MCF2L2: variants seen among roughly 807,000 people sequenced by gnomAD.
MCF2L2 encodes the protein probable guanine nucleotide exchange factor MCF2L2.
A neutral mutation model predicts 150.2 loss-of-function variants in MCF2L2; 102 were observed. The ratio of observed to expected loss-of-function variants is 0.68; its 90% CI spans 0.58 to 0.80. The LOEUF (loss-of-function observed/expected upper bound fraction) is 0.80, where lower values mean the gene tolerates loss of function less well. Among genes scored for constraint, MCF2L2 ranks in the 30% least tolerant of loss-of-function variants. The pLI, the probability that MCF2L2 is intolerant of heterozygous loss-of-function variation, is 0.00. For synonymous variants in MCF2L2, 465 were observed against 491.3 expected, an observed-to-expected ratio of 0.95 and a Z score of 0.71; for missense variants, 1,256 against 1,372.8, an observed-to-expected ratio of 0.91 and a Z score of 1.34.
chr3:183,274,643 GAATT>G (rs901258945), intron 15 of MCF2L2, among the ~76,000 whole-genome samples: 7 of 152,206 alleles, frequency 4.6e-5, no homozygotes, highest in African/African-American at 1.7e-4. Flanking sequence ...TGACTTGGAA[GAATT>G]AATTAATGAC....
intron 15 of MCF2L2, among the ~76,000 whole-genome samples, chr3:183,263,908 T>A (rs1725851979): frequency 6.6e-6 from 1 of 152,178 alleles, no homozygotes; most frequent in African/African-American, 2.4e-5. Flanking sequence ...GCCTTCTTTA[T>A]GCCTTCCTTC....
chr3:183,295,187 A>C, intron 13 of MCF2L2, 113 bp downstream of exon 13: 2 of 1,120,868 alleles, frequency 1.8e-6, no homozygotes, highest in South Asian at 3.2e-5. Flanking sequence ...AGTTTGTTTT[A>C]AATAGTATCT....
chr3:183,180,063 G>A lies in MCF2L2; in HGVS notation c.3105+8C>T. 1.2e-6 allele frequency: 2 copies of A among 1,607,830 alleles called. No homozygotes were observed. Among genetic ancestry groups the A allele is most frequent in the Non-Finnish European group, 1.7e-6 (2 of 1,174,318 alleles). Reference sequence around the variant, plus strand: ...AGAAGATGAAAGAAACAAAAGGGAAGTAATTACACTCAGAGCACTGCTCTC... The same window carrying A: ...AGAAGATGAAAGAAACAAAAGGGAAATAATTACACTCAGAGCACTGCTCTC... On this transcript the variant is annotated splice_region_variant and intron_variant, in intron 28 of 29. Coordinates refer to ENST00000328913, the MANE Select transcript of MCF2L2 (RefSeq NM_015078.4).
At chr3:183,384,385 A>G in intron 2 of MCF2L2, among the ~76,000 whole-genome samples, 1 of 152,232 alleles carries the variant, frequency 6.6e-6, no homozygotes, top group East Asian at 1.9e-4. Flanking sequence ...ATTAGAAATG[A>G]TGGTTTAGGA....
At chr3:183,413,256 T>C (rs79492291) in intron 1 of MCF2L2, among the ~76,000 whole-genome samples, 3,399 of 152,346 alleles carry the variant, frequency 0.022, 125 homozygotes, top group African/African-American at 0.078. Flanking sequence ...TAATGCCTAC[T>C]GTTGACTGGA....
At chr3:183,211,785 G>A (rs952605751) in intron 22 of MCF2L2, among the ~76,000 whole-genome samples, 2 of 152,102 alleles carry the variant, frequency 1.3e-5, no homozygotes, top group African/African-American at 4.8e-5. Flanking sequence ...GTGGTGCTTG[G>A]GAGTAGGGGA....
chr3:183,363,778 A>G lies in MCF2L2; in HGVS notation c.275+15519T>C, dbSNP rs150654273. Among the ~76,000 whole-genome samples the G allele has an allele frequency of 5.3e-5, 8 of 152,174 alleles. No individual in the cohort carries two copies. The East Asian group carries it at 1.6e-3, about 30-fold the overall frequency. On this transcript the variant is annotated intron_variant, in intron 3 of 29. Transcript: ENST00000328913. ...GAGATTTTAATATACTACTTTAAGT[A>G]CAAGACAGAGCAAAGAGACAATATA...
intron 2 of MCF2L2, among the ~76,000 whole-genome samples, chr3:183,387,385 G>A (rs747473172): frequency 7.2e-5 from 11 of 152,048 alleles, no homozygotes; most frequent in Non-Finnish European, 1.2e-4. Flanking sequence ...TGTCTTCTGC[G>A]CCCAGTGTGT....
At chr3:183,240,177 C>G (rs545955448) in intron 15 of MCF2L2, among the ~76,000 whole-genome samples, 1 of 152,304 alleles carries the variant, frequency 6.6e-6, no homozygotes, top group Admixed American at 6.5e-5. Flanking sequence ...AGAATCTCAT[C>G]CTTCTGAGAT....
chr3:183,400,854 T>A (rs1450314522), intron 1 of MCF2L2, among the ~76,000 whole-genome samples: 3 of 149,438 alleles, frequency 2.0e-5, no homozygotes, highest in Non-Finnish European at 4.5e-5. Flanking sequence ...AAGGATGATT[T>A]AAAAAAAAAA....
Position 183,289,197 on chromosome 3 carries a change from T to G in MCF2L2, c.1699A>C (p.Thr567Pro). 6.2e-7 allele frequency: 1 copy of G among 1,613,616 alleles called. No individual in the cohort carries two copies. Among genetic ancestry groups the G allele is most frequent in the Non-Finnish European group, 8.5e-7 (1 of 1,179,574 alleles). ...TSVPLARPLR[T>P]SEEPYTETEL... ...GTCTCCGTATAAGGTTCCTCAGACG[T>G]TCTCAGAGGACGAGCTAGAGGGACT... Residue 567 changes from threonine (T) to proline (P), a missense_variant, in exon 14 of 30, where the codon ACG becomes CCG. Thr to Pro is a conservative substitution (Grantham distance 38). Coordinates refer to ENST00000328913, the MANE Select transcript of MCF2L2 (RefSeq NM_015078.4).
At chr3:183,331,103 C>T (rs577027564) in intron 5 of MCF2L2, among the ~76,000 whole-genome samples, 13 of 152,316 alleles carry the variant, frequency 8.5e-5, no homozygotes, top group Admixed American at 7.2e-4. Context: ...AACTCTCACA[C>T]ACCAGGCCAT....
At chr3:183,295,189 A>G (rs1728423481) in intron 13 of MCF2L2, 111 bp downstream of exon 13, 1 of 1,127,174 alleles carries the variant, frequency 8.9e-7, no homozygotes, top group African/African-American at 1.6e-5. Flanking sequence ...TTTGTTTTAA[A>G]TAGTATCTGT....
At chr3:183,188,389 T>A (rs936904683) in intron 27 of MCF2L2, among the ~76,000 whole-genome samples, 1 of 152,176 alleles carries the variant, frequency 6.6e-6, no homozygotes, top group Non-Finnish European at 1.5e-5. Context: ...AGAGTCATGA[T>A]GGGCAAGGTC....
chr3:183,427,864 C>T, intron 1 of MCF2L2, 38 bp downstream of exon 1: 1 of 1,570,990 alleles, frequency 6.4e-7, no homozygotes, highest in Non-Finnish European at 8.8e-7. Flanking sequence ...CCTCACCCGC[C>T]ATTAATAAAA....
intron 10 of MCF2L2, among the ~76,000 whole-genome samples, chr3:183,300,432 T>C (rs1345398280): frequency 6.6e-6 from 1 of 152,244 alleles, no homozygotes; most frequent in East Asian, 1.9e-4. Flanking sequence ...TGTTGAGTTC[T>C]GGGCTAGACA....
chr3:183,189,166 G>A (rs975094260), intron 27 of MCF2L2, among the ~76,000 whole-genome samples: 6 of 152,170 alleles, frequency 3.9e-5, no homozygotes, highest in East Asian at 1.9e-4. Context: ...TGCTGGGGCC[G>A]AGCACTGCTG....
At chr3:183,292,339 G>A (rs993342146) in intron 13 of MCF2L2, among the ~76,000 whole-genome samples, 31 of 152,054 alleles carry the variant, frequency 2.0e-4, no homozygotes, top group African/African-American at 6.8e-4. Context: ...AGGATAGCTT[G>A]AGCCCAGGAG....
chr3:183,410,710 T>G (rs965593186), intron 1 of MCF2L2, among the ~76,000 whole-genome samples: 1 of 152,266 alleles, frequency 6.6e-6, no homozygotes, highest in Non-Finnish European at 1.5e-5. Flanking sequence ...ACATTCTTAA[T>G]GATTCTAAAA....
Sources: allele counts gnomAD v4.1 joint callset (sites outside exome capture counted in the v4.1 genomes callset), GRCh38; gene constraint gnomAD v4.1.1; transcripts MANE v1.5; gene names NCBI Gene and HGNC (gene_info 2026-07-23, HGNC 2026-07-21).